The following NTRK2 variants were observed in gnomAD, a reference collection of about 807,000 sequenced individuals.
The protein encoded by NTRK2 is BDNF/NT-3 growth factors receptor.
Under a neutral mutation model 94.5 loss-of-function variants are expected in NTRK2, and 13 were observed. The ratio of observed to expected loss-of-function variants is 0.14; its 90% CI spans 0.09 to 0.22. The LOEUF (loss-of-function observed/expected upper bound fraction) is 0.22, where lower values mean the gene tolerates loss of function less well. Ranked by LOEUF, NTRK2 falls within the 10% of genes least tolerant of loss-of-function variation. The pLI is 1.00. For synonymous variants in NTRK2, 372 were observed against 407.4 expected (o/e 0.91, Z 1.05); for missense variants, 639 against 1,071.2 (o/e 0.60, Z 5.63).
At chr9:84,977,416 C>T (rs967311642) in intron 17 of NTRK2, among the ~76,000 whole-genome samples, 2 of 152,136 alleles carry the variant, frequency 1.3e-5, no homozygotes, top group Non-Finnish European at 2.9e-5. Flanking sequence ...TTCTAAATAG[C>T]ATAAAGGATG....
Position 84,765,900 on chromosome 9 carries a change from T to A in NTRK2, c.1396+13815T>A, listed in dbSNP as rs2065980873. ...ATTATTGTTTAGGATGAGACTAAAT[T>A]AATATAATAGAAAAAATTAAAAAAT... On this transcript the variant is annotated intron_variant, in intron 12 of 18. Transcript: ENST00000277120. Among the ~76,000 whole-genome samples the A allele has an allele frequency of 2.6e-5, 4 of 152,278 alleles. 1 individual carries two copies. In the South Asian group the frequency reaches 8.3e-4, roughly 32 times the overall value.
chr9:84,776,767 C>G (rs2067089260), intron 12 of NTRK2, among the ~76,000 whole-genome samples: 3 of 152,156 alleles, frequency 2.0e-5, no homozygotes, highest in Non-Finnish European at 4.4e-5. Flanking sequence ...TGCACATTCT[C>G]TGGATTGTGT....
At chr9:84,714,385 C>T (rs2061587920) in intron 6 of NTRK2, among the ~76,000 whole-genome samples, 1 of 152,188 alleles carries the variant, frequency 6.6e-6, no homozygotes, top group Admixed American at 6.6e-5. Flanking sequence ...TAATCCTCTT[C>T]TGCTTTCTCT....
chr9:84,923,070 T>C lies in NTRK2; in HGVS notation c.1634-11092T>C, dbSNP rs1423134332. Among the ~76,000 whole-genome samples the C allele has an allele frequency of 2.6e-5, 4 of 152,144 alleles. No homozygotes were observed. In the South Asian group the frequency reaches 6.2e-4, roughly 24 times the overall value. On this transcript the variant is annotated intron_variant, in intron 14 of 18. Coordinates refer to ENST00000277120, the MANE Select transcript of NTRK2 (RefSeq NM_006180.6). ...CCCTCCACCTTTCAGACATTGGCCATGTATCAGTGGTTGTGAACTCTGCTG... is the reference window on the plus strand; with the variant it reads ...CCCTCCACCTTTCAGACATTGGCCACGTATCAGTGGTTGTGAACTCTGCTG...
chr9:84,844,653 A>T (rs1242474230), intron 12 of NTRK2, among the ~76,000 whole-genome samples: 6 of 25,790 alleles, frequency 2.3e-4, no homozygotes, highest in Non-Finnish European at 5.9e-4. Context: ...CCTCACTCAC[A>T]CACACACACA....
At chr9:84,752,907 G>A (rs1187878633) in intron 12 of NTRK2, among the ~76,000 whole-genome samples, 1 of 152,188 alleles carries the variant, frequency 6.6e-6, no homozygotes, top group Admixed American at 6.5e-5. Context: ...AGAAGGTTTA[G>A]TGGTGTCTTA....
At chr9:84,771,790 GA>G (rs1277783855) in intron 12 of NTRK2, among the ~76,000 whole-genome samples, 5 of 151,914 alleles carry the variant, frequency 3.3e-5, no homozygotes, top group East Asian at 1.9e-4. Context: ...TAATCATCTA[GA>G]AAAAAAATGC....
At position 84,888,982 on chromosome 9, in the gene NTRK2, A is replaced by ATTTTTTTTTTTTTTTTTTT. The variant is rs71369159; in HGVS notation, c.1633+21559_1633+21577dup. ...TCCCCATTATTTATTAATGACAGAA[A>ATTTTTTTTTTTTTTTTTTT]TTTTTTTTTTTTTTTTTTTTTTTTT... On this transcript the variant is annotated intron_variant, in intron 14 of 18. Transcript: ENST00000277120. 1.7e-3 allele frequency among the ~76,000 whole-genome samples: 176 copies of ATTTTTTTTTTTTTTTTTTT among 101,696 alleles called. 50 individuals are homozygous for ATTTTTTTTTTTTTTTTTTT. Among genetic ancestry groups the ATTTTTTTTTTTTTTTTTTT allele is most frequent in the East Asian group, 8.0e-3 (28 of 3,490 alleles). 66.7% of individuals were successfully genotyped at this position (101,696 alleles called of 152,430 possible). A position where few individuals can be genotyped will look rare whatever the true frequency, so the allele number is the denominator to read the frequency against.
At chr9:84,763,622 A>G (rs947253394) in intron 12 of NTRK2, among the ~76,000 whole-genome samples, 2 of 152,052 alleles carry the variant, frequency 1.3e-5, no homozygotes, top group African/African-American at 4.8e-5. Context: ...TTCACTCCCA[A>G]ATTTCCAGCA....
rs185136906 is a variant in NTRK2 at position 84,875,303 on chromosome 9, C to T, written c.1633+7872C>T. ...TATTTTGTATTTCCTTGGAGATGTG[C>T]AGGGGTTAAGAGCGGGGGTCTGGCC... On this transcript the variant is annotated intron_variant, in intron 14 of 18. Coordinates refer to ENST00000277120, the MANE Select transcript of NTRK2 (RefSeq NM_006180.6). 1.2e-3 allele frequency: 1,294 copies of T among 1,059,100 alleles called. 2 individuals are homozygous for T. The highest frequency in any genetic ancestry group is 2.8e-3 in the Admixed American group (51 of 18,540). 65.6% of individuals were successfully genotyped at this position (1,059,100 alleles called of 1,614,324 possible).
intron 17 of NTRK2, among the ~76,000 whole-genome samples, chr9:84,975,539 A>T (rs994408480): frequency 1.7e-4 from 26 of 152,242 alleles, no homozygotes; most frequent in African/African-American, 6.0e-4. Flanking sequence ...TTGCACAGGC[A>T]GTGCAGCAGC....
Position 84,669,886 on chromosome 9 carries a change from C to A in NTRK2, c.-375C>A, listed in dbSNP as rs200192202. 2.6e-5 allele frequency: 4 copies of A among 152,330 alleles called. No individual in the cohort carries two copies. Among genetic ancestry groups the A allele is most frequent in the Non-Finnish European group, 5.9e-5 (4 of 68,110 alleles). The allele number at this position is 152,330 out of a possible 1,614,324, so 9.4% of individuals were successfully genotyped here. On this transcript the variant is annotated splice_region_variant and 5_prime_UTR_variant, in exon 1 of 19. Transcript: ENST00000277120. This position sits in a 1 kb window ranked among gnomAD's most constrained non-coding sequence, Gnocchi z 4.1. ...CCGGCGGGCGTGAGGCGCCGGAGCC[C>A]GGGTGAGCAGCGCAGATAGTGCCCT...
At chr9:84,672,717 G>A (rs1297574100) in intron 2 of NTRK2, among the ~76,000 whole-genome samples, 2 of 152,068 alleles carry the variant, frequency 1.3e-5, no homozygotes, top group African/African-American at 4.8e-5. Flanking sequence ...GCCATGATCT[G>A]AGAAAAAGGA....
At chr9:84,728,106 G>C (rs573441469) in intron 9 of NTRK2, 147 bp downstream of exon 9, 1 of 771,556 alleles carries the variant, frequency 1.3e-6, no homozygotes, top group African/African-American at 1.7e-5. Context: ...TAGGTCAGCG[G>C]AGTGGTTTTA....
intron 15 of NTRK2, 42 bp downstream of exon 15, chr9:84,934,334 C>T (rs1333848253): frequency 6.2e-7 from 1 of 1,609,592 alleles, no homozygotes; most frequent in Admixed American, 1.7e-5. Flanking sequence ...CATGATCACA[C>T]TTACGTGTGG....
chr9:84,883,290 T>C (rs2076319874), intron 14 of NTRK2, among the ~76,000 whole-genome samples: 1 of 152,202 alleles, frequency 6.6e-6, no homozygotes, highest in South Asian at 2.1e-4. Flanking sequence ...GGTGGCAAGC[T>C]CCCTGAGGAC....
At chr9:84,815,060 C>T (rs201478119) in intron 12 of NTRK2, 17 of 1,058,798 alleles carry the variant, frequency 1.6e-5, no homozygotes, top group Non-Finnish European at 1.9e-5. Flanking sequence ...TGACAGAACT[C>T]CCAGCCCAGG....
chr9:85,019,579 A>T (rs116400869), intron 17 of NTRK2, among the ~76,000 whole-genome samples: 122 of 152,370 alleles, frequency 8.0e-4, no homozygotes, highest in African/African-American at 2.9e-3. Flanking sequence ...TGTGGTAAAT[A>T]ATCTAAGGAG....
intron 12 of NTRK2, among the ~76,000 whole-genome samples, chr9:84,854,412 G>T (rs2074955490): frequency 6.6e-6 from 1 of 152,102 alleles, no homozygotes; most frequent in Non-Finnish European, 1.5e-5. Flanking sequence ...CTTAGTCAGG[G>T]TCTGTTTCTA....
Sources: allele counts gnomAD v4.1 joint callset (sites outside exome capture counted in the v4.1 genomes callset), GRCh38; gene constraint gnomAD v4.1.1; non-coding constraint Gnocchi (gnomAD v3.1); transcripts MANE v1.5; gene names NCBI Gene and HGNC (gene_info 2026-07-23, HGNC 2026-07-21).